UBE2F: variants seen among roughly 807,000 people sequenced by gnomAD.
UBE2F encodes the protein NEDD8-conjugating enzyme UBE2F.
In UBE2F, 5 loss-of-function variants were observed where a neutral mutation model predicts 29.6. That is an observed-to-expected ratio of 0.17 (90% CI 0.09 to 0.36). The LOEUF is 0.36. UBE2F is among the 10% of genes least tolerant of loss of function. UBE2F has a pLI of 1.00. For synonymous variants in UBE2F, 66 were observed against 81.8 expected, an observed-to-expected ratio of 0.81 and a Z score of 1.04; for missense variants, 141 against 228.5, an observed-to-expected ratio of 0.62 and a Z score of 2.47.
At chr2:238,013,516 G>C (rs906393537) in intron 4 of UBE2F, among the ~76,000 whole-genome samples, 6 of 129,274 alleles carry the variant, frequency 4.6e-5, no homozygotes, top group African/African-American at 1.6e-4. Context: ...GGGGGAAGAA[G>C]GTTGTAGAAG....
chr2:238,003,925 C>T (rs781206968), intron 4 of UBE2F, among the ~76,000 whole-genome samples: 6 of 152,176 alleles, frequency 3.9e-5, no homozygotes, highest in Non-Finnish European at 5.9e-5. Flanking sequence ...CCTCTCCATC[C>T]CCAGCCCCTG....
chr2:237,992,661 G>T (rs2063613467), intron 3 of UBE2F, among the ~76,000 whole-genome samples: 1 of 152,188 alleles, frequency 6.6e-6, no homozygotes, highest in Non-Finnish European at 1.5e-5. Flanking sequence ...AAGGAGTCAT[G>T]AACTAGTTAT....
chr2:238,016,759 C>G, intron 5 of UBE2F, 126 bp downstream of exon 5: 1 of 718,718 alleles, frequency 1.4e-6, no homozygotes. Flanking sequence ...TGAGTACTCA[C>G]TTCAGTATTT....
chr2:238,029,747 C>G (rs1576638012), intron 6 of UBE2F, among the ~76,000 whole-genome samples: 3 of 152,310 alleles, frequency 2.0e-5, no homozygotes, highest in Admixed American at 2.0e-4. Context: ...TGCCCTTGGG[C>G]GTGTCTTCTC....
At chr2:238,033,199 A>T (rs1305929182) in intron 8 of UBE2F, among the ~76,000 whole-genome samples, 3 of 152,190 alleles carry the variant, frequency 2.0e-5, no homozygotes, top group Non-Finnish European at 4.4e-5. Context: ...TTTGTCAGTG[A>T]TGAGCTGCTG....
At position 238,034,439 on chromosome 2, in the gene UBE2F, AT is replaced by A. The variant is rs552309169; in HGVS notation, c.445-1430del. Among the ~76,000 whole-genome samples, 11 of 151,590 alleles carry A rather than the reference AT, an allele frequency of 7.3e-5. No homozygotes were observed. The South Asian group carries it at 2.1e-3, about 29-fold the overall frequency. On this transcript the variant is annotated intron_variant, in intron 8 of 9. Transcript: ENST00000272930. ...GCGAAAATCCGTCTCAAAAAAAAAA[AT>A]TTTTTTTTAAGAAATCTGCTACAGC...
At chr2:238,000,635 G>A (rs1365491751) in intron 4 of UBE2F, among the ~76,000 whole-genome samples, 1 of 152,152 alleles carries the variant, frequency 6.6e-6, no homozygotes, top group Non-Finnish European at 1.5e-5. Flanking sequence ...TTATGTGCAG[G>A]TCTTCATTTG....
intron 9 of UBE2F, among the ~76,000 whole-genome samples, chr2:238,038,485 C>A (rs1210394715): frequency 6.6e-6 from 1 of 152,200 alleles, no homozygotes; most frequent in Non-Finnish European, 1.5e-5. Flanking sequence ...GCATTCATGG[C>A]GGCACTCCTG....
At chr2:238,023,530 G>A (rs62194544) in intron 5 of UBE2F, among the ~76,000 whole-genome samples, 304 of 152,316 alleles carry the variant, frequency 2.0e-3, no homozygotes, top group Non-Finnish European at 3.7e-3. Context: ...TTACTAGAAA[G>A]TTAAAGAGGA....
chr2:238,021,820 G>A (rs142564452), intron 5 of UBE2F, among the ~76,000 whole-genome samples: 172 of 152,284 alleles, frequency 1.1e-3, no homozygotes, highest in Non-Finnish European at 1.0e-4. Flanking sequence ...TCCCAGCCTC[G>A]ATTTGGTCTG....
chr2:238,030,731 G>C, intron 7 of UBE2F, 118 bp downstream of exon 7: 1 of 735,668 alleles, frequency 1.4e-6, no homozygotes, highest in Non-Finnish European at 2.4e-6. Context: ...CCAGTGGCCG[G>C]ACACACCCTG....
At chr2:237,993,124 A>G (rs1254836644) in intron 3 of UBE2F, among the ~76,000 whole-genome samples, 3 of 152,022 alleles carry the variant, frequency 2.0e-5, no homozygotes, top group Non-Finnish European at 4.4e-5. Context: ...AGTAGCTGGG[A>G]CTACAGGCGC....
rs1305294990 is a variant in UBE2F at position 237,984,574 on chromosome 2, C to G, written c.119-3389C>G. Among the ~76,000 whole-genome samples, 9 of 152,340 alleles carry G rather than the reference C, an allele frequency of 5.9e-5. No individual in the cohort carries two copies. In the East Asian group the frequency reaches 1.5e-3, roughly 26 times the overall value. The stretch of plus-strand genomic sequence containing the variant: ...CCAAAACCCAACTCAGAAACTTCCT[C>G]TTTCCTCAGTCCCCACAGCTGGAGA... On this transcript the variant is annotated intron_variant, in intron 2 of 9. Coordinates refer to ENST00000272930, the MANE Select transcript of UBE2F (RefSeq NM_080678.3).
Position 238,041,445 on chromosome 2 carries a change from T to A in UBE2F, c.*107T>A. On this transcript the variant is annotated 3_prime_UTR_variant, in exon 10 of 10. Coordinates refer to ENST00000272930, the MANE Select transcript of UBE2F (RefSeq NM_080678.3). ...GTCCTCATGCTCCCTCTCAGTCCCC[T>A]GGATTGCCCCAGTCCTGTGACCATG... 8.7e-7 allele frequency: 1 copy of A among 1,148,590 alleles called. No homozygotes were observed. Among genetic ancestry groups the A allele is most frequent in the Non-Finnish European group, 1.3e-6 (1 of 771,048 alleles). 71.1% of individuals were successfully genotyped at this position (1,148,590 alleles called of 1,614,324 possible).
intron 4 of UBE2F, among the ~76,000 whole-genome samples, chr2:238,003,106 C>T (rs970881394): frequency 9.9e-5 from 15 of 151,978 alleles, no homozygotes; most frequent in Non-Finnish European, 2.2e-4. Context: ...AAAATTTATA[C>T]TCTCATCCCT....
chr2:238,042,583 C>T lies in UBE2F; in HGVS notation c.*1245C>T, dbSNP rs2064853630. ...GTGAAATCAAACACAAAATAAATGT[C>T]TGTCTAGTTTCATTTGCTGCCTGCC... is the stretch of plus-strand genomic sequence containing the variant. On this transcript the variant is annotated 3_prime_UTR_variant, in exon 10 of 10. Transcript: ENST00000272930. 6.6e-6 allele frequency: 1 copy of T among 152,240 alleles called. No homozygotes were observed. The highest frequency in any genetic ancestry group is 1.5e-5 in the Non-Finnish European group (1 of 68,066). The allele number at this position is 152,240 out of a possible 1,614,324, so 9.4% of individuals were successfully genotyped here.
intron 1 of UBE2F, among the ~76,000 whole-genome samples, chr2:237,969,068 G>T (rs1424851650): frequency 6.6e-6 from 1 of 152,264 alleles, no homozygotes; most frequent in East Asian, 1.9e-4. Context: ...AAAATAGATG[G>T]TCACTATATT....
intron 5 of UBE2F, among the ~76,000 whole-genome samples, chr2:238,019,852 GTT>G (rs1258853669): frequency 6.6e-6 from 1 of 151,862 alleles, no homozygotes; most frequent in East Asian, 1.9e-4. Flanking sequence ...TAGAGACGGG[GTT>G]TCACCATGTT....
intron 4 of UBE2F, among the ~76,000 whole-genome samples, chr2:237,999,831 T>TC (rs1442876885): frequency 6.7e-6 from 1 of 149,936 alleles, no homozygotes; most frequent in Non-Finnish European, 1.5e-5. Flanking sequence ...TTTTTTTTTT[T>TC]TTTTTTTTTT....
Sources: allele counts gnomAD v4.1 joint callset (sites outside exome capture counted in the v4.1 genomes callset), GRCh38; gene constraint gnomAD v4.1.1; transcripts MANE v1.5; gene names NCBI Gene and HGNC (gene_info 2026-07-23, HGNC 2026-07-21).